ADCY2: variants seen among roughly 807,000 people sequenced by gnomAD.
ADCY2 encodes adenylate cyclase type 2.
A neutral mutation model predicts 125.2 loss-of-function variants in ADCY2; 31 were observed. The ratio of observed to expected loss-of-function variants is 0.25; its 90% CI spans 0.19 to 0.33. ADCY2 has a LOEUF of 0.33. ADCY2 is among the 10% of genes least tolerant of loss of function. ADCY2 has a pLI of 1.00. For missense variants in ADCY2, 904 were observed against 1,418.2 expected (o/e 0.64, Z 5.82); for synonymous variants, 512 against 548.4 (o/e 0.93, Z 0.93).
intron 4 of ADCY2, among the ~76,000 whole-genome samples, chr5:7,665,449 C>G (rs1315433656): frequency 6.6e-6 from 1 of 152,200 alleles, no homozygotes; most frequent in African/African-American, 2.4e-5. Flanking sequence ...CTCACAGACA[C>G]TGAGGCATCG....
intron 22 of ADCY2, among the ~76,000 whole-genome samples, chr5:7,810,346 C>A (rs559674176): frequency 6.6e-6 from 1 of 151,116 alleles, no homozygotes; most frequent in East Asian, 2.0e-4. Context: ...GGTTATCCAC[C>A]TGATGGGTGG....
At chr5:7,803,177 G>A (rs565479104) in intron 21 of ADCY2, among the ~76,000 whole-genome samples, 162 of 152,252 alleles carry the variant, frequency 1.1e-3, no homozygotes, top group African/African-American at 3.7e-3. Context: ...GACCGTCAGC[G>A]ATTACCACTG....
chr5:7,398,997 G>A (rs571209689), intron 1 of ADCY2, among the ~76,000 whole-genome samples: 4 of 152,346 alleles, frequency 2.6e-5, no homozygotes, highest in South Asian at 4.1e-4. Flanking sequence ...TTAGAGATGA[G>A]TTCATTTCTT....
chr5:7,446,609 T>A (rs1318854810), intron 2 of ADCY2, among the ~76,000 whole-genome samples: 2 of 152,118 alleles, frequency 1.3e-5, no homozygotes, highest in African/African-American at 4.8e-5. Context: ...GTATACAGAA[T>A]AGAGTTATTG....
chr5:7,506,553 T>C (rs1743821117), intron 2 of ADCY2, among the ~76,000 whole-genome samples: 1 of 152,142 alleles, frequency 6.6e-6, no homozygotes. Flanking sequence ...ACTGTGATAT[T>C]TGATTATTTG....
At chr5:7,503,700 G>T (rs937342242) in intron 2 of ADCY2, among the ~76,000 whole-genome samples, 19 of 152,238 alleles carry the variant, frequency 1.2e-4, no homozygotes, top group Non-Finnish European at 2.1e-4. Context: ...TAGAGAGGAA[G>T]AAAGCATGGC....
intron 3 of ADCY2, among the ~76,000 whole-genome samples, chr5:7,619,870 C>G (rs1165912723): frequency 6.6e-6 from 1 of 152,168 alleles, no homozygotes; most frequent in Non-Finnish European, 1.5e-5. Flanking sequence ...TTCTCCCCAT[C>G]GATTTCAAGT....
chr5:7,748,371 T>G (rs1266173015), intron 15 of ADCY2, among the ~76,000 whole-genome samples: 2 of 152,176 alleles, frequency 1.3e-5, no homozygotes, highest in Non-Finnish European at 2.9e-5. Flanking sequence ...TTTCAGAATT[T>G]AAAACTCAAG....
rs537066431 is a variant in ADCY2 at position 7,808,336 on chromosome 5, G to A, written c.2883+3644G>A. Among the ~76,000 whole-genome samples, 21 of 152,260 alleles carry A rather than the reference G, an allele frequency of 1.4e-4. No homozygotes were observed. In the South Asian group the frequency reaches 2.3e-3, roughly 17 times the overall value. ...CAGCAGGGCCTTTAAATGATCACCC[G>A]TGTTTGTTCAGGGAGTGATTGCATC... On this transcript the variant is annotated intron_variant, in intron 22 of 24. Coordinates refer to ENST00000338316, the MANE Select transcript of ADCY2 (RefSeq NM_020546.3).
rs553334261 is a variant in ADCY2, at chr5:7,584,143, A to G, written c.571-42024A>G. 1.6e-3 allele frequency among the ~76,000 whole-genome samples: 247 copies of G among 152,190 alleles called. 1 individual carries two copies. The highest frequency in any genetic ancestry group is 5.7e-3 in the African/African-American group (235 of 41,568). ...GGTTTTTCTTTACTCTGATGGATGCATTTGTCAAAAATTATTAAATGGTAC... is the reference window on the plus strand; with the variant it reads ...GGTTTTTCTTTACTCTGATGGATGCGTTTGTCAAAAATTATTAAATGGTAC... On this transcript the variant is annotated intron_variant, in intron 3 of 24. Transcript: ENST00000338316.
intron 4 of ADCY2, among the ~76,000 whole-genome samples, chr5:7,663,351 C>G (rs1186363562): frequency 6.6e-6 from 1 of 152,232 alleles, no homozygotes; most frequent in Non-Finnish European, 1.5e-5. Context: ...TGACCCTATT[C>G]ACGCCTAGCG....
chr5:7,569,095 T>C (rs1735994375), intron 3 of ADCY2, among the ~76,000 whole-genome samples: 1 of 152,184 alleles, frequency 6.6e-6, no homozygotes, highest in Non-Finnish European at 1.5e-5. Flanking sequence ...GCAGGATCCA[T>C]ATGGCCTCAT....
intron 2 of ADCY2, among the ~76,000 whole-genome samples, chr5:7,514,201 T>C (rs1190940265): frequency 1.3e-5 from 2 of 152,190 alleles, no homozygotes; most frequent in Non-Finnish European, 2.9e-5. Context: ...AGCCACACTG[T>C]GAAAGTCCAT....
At chr5:7,807,605 G>A (rs918624160) in intron 22 of ADCY2, among the ~76,000 whole-genome samples, 5 of 152,016 alleles carry the variant, frequency 3.3e-5, no homozygotes, top group African/African-American at 4.8e-5. Flanking sequence ...CTCTATCAGG[G>A]ACCTCTCCTA....
chr5:7,661,505 G>T (rs1425699211), intron 4 of ADCY2, among the ~76,000 whole-genome samples: 3 of 152,202 alleles, frequency 2.0e-5, no homozygotes, highest in Admixed American at 6.5e-5. Context: ...CAAAAGGTAT[G>T]TTTAGGAAAA....
At chr5:7,487,887 G>T (rs1174518925) in intron 2 of ADCY2, among the ~76,000 whole-genome samples, 2 of 152,166 alleles carry the variant, frequency 1.3e-5, no homozygotes, top group Non-Finnish European at 2.9e-5. Context: ...AGTTCAGACT[G>T]TTTATTTAGA....
intron 2 of ADCY2, among the ~76,000 whole-genome samples, chr5:7,446,537 AATACATAC>A (rs59436276): frequency 0.066 from 9,919 of 150,808 alleles, 361 homozygotes; most frequent in African/African-American, 0.073. Context: ...CTCTGAAATA[AATACATAC>A]ATACATACAT....
chr5:7,727,232 C>G lies in ADCY2; in HGVS notation c.1842C>G (p.Ile614Met), dbSNP rs912625588. Residue 614 changes from isoleucine (I) to methionine (M), a missense_variant, in exon 14 of 25, where the codon ATC becomes ATG. Physicochemically the swap from Ile to Met is conservative, Grantham distance 10 (BLOSUM62 1). This residue lies in a region of ADCY2 where 221 missense variants were observed against 246.2 expected (regional missense o/e 0.90). Coordinates refer to ENST00000338316, the MANE Select transcript of ADCY2 (RefSeq NM_020546.3). ...GTGCCTGTCTCATATTCTTCTGCAT[C>G]TTCATTGTGCAGATTCTCGTGCTGC... ...VTCACLIFFC[I>M]FIVQILVLPK... is the part of the protein sequence containing the mutation. The G allele has an allele frequency of 1.5e-5, 25 of 1,614,004 alleles. No individual in the cohort carries two copies. The highest frequency in any genetic ancestry group is 1.9e-5 in the Non-Finnish European group (23 of 1,179,942).
chr5:7,414,508 A>T lies in ADCY2; in HGVS notation c.211-65A>T, dbSNP rs1233848946. The T allele has an allele frequency of 1.6e-5, 22 of 1,368,440 alleles. 1 individual carries two copies. The East Asian group carries it at 5.3e-4, about 33-fold the overall frequency. The allele number at this position is 1,368,440 out of a possible 1,614,324, so 84.8% of individuals were successfully genotyped here. ...CAAGCGTTGATGACATTTTAACAAC[A>T]TAAATCATTGGTATCACAGTGTCTC... On this transcript the variant is annotated intron_variant, in intron 1 of 24. Transcript: ENST00000338316.
Sources: allele counts gnomAD v4.1 joint callset (sites outside exome capture counted in the v4.1 genomes callset), GRCh38; gene constraint gnomAD v4.1.1; regional missense constraint gnomAD v4.1.1; transcripts MANE v1.5; gene names NCBI Gene and HGNC (gene_info 2026-07-23, HGNC 2026-07-21).